MAP2K5: variants seen among roughly 807,000 people sequenced by gnomAD.
MAP2K5 encodes the protein dual specificity mitogen-activated protein kinase kinase 5.
Under a neutral mutation model 83.1 loss-of-function variants are expected in MAP2K5, and 49 were observed. The ratio of observed to expected loss-of-function variants is 0.59; its 90% CI spans 0.47 to 0.75. The LOEUF (loss-of-function observed/expected upper bound fraction) is 0.75, where lower values mean the gene tolerates loss of function less well. MAP2K5 is among the 30% of genes least tolerant of loss of function. The pLI is 0.00. For missense variants in MAP2K5, 457 were observed against 557.5 expected (o/e 0.82, Z 1.82); for synonymous variants, 202 against 191.8 (o/e 1.05, Z -0.44).
intron 7 of MAP2K5, among the ~76,000 whole-genome samples, chr15:67,600,363 A>G (rs1444127680): frequency 2.6e-5 from 4 of 152,154 alleles, no homozygotes; most frequent in African/African-American, 9.7e-5. Flanking sequence ...CATTGGTTAT[A>G]TGCAGTACTG....
chr15:67,707,629 G>T (rs1158247309), intron 16 of MAP2K5, among the ~76,000 whole-genome samples: 1 of 152,192 alleles, frequency 6.6e-6, no homozygotes, highest in African/African-American at 2.4e-5. Context: ...CCAAAGCCCA[G>T]AATGGTGTGA....
intron 13 of MAP2K5, among the ~76,000 whole-genome samples, chr15:67,685,554 G>A (rs1345423779): frequency 6.6e-6 from 1 of 152,024 alleles, no homozygotes; most frequent in Non-Finnish European, 1.5e-5. Flanking sequence ...ACTTCTAAAT[G>A]TCTTTAAAAT....
At chr15:67,635,141 G>T (rs181630809) in intron 9 of MAP2K5, among the ~76,000 whole-genome samples, 1 of 150,198 alleles carries the variant, frequency 6.7e-6, no homozygotes, top group African/African-American at 2.4e-5. Flanking sequence ...CATCATATGC[G>T]ATAAACCCCA....
Position 67,552,778 on chromosome 15 carries a change from GA to G in MAP2K5, c.184+2699del, listed in dbSNP as rs2084539148. Among the ~76,000 whole-genome samples the G allele has an allele frequency of 6.6e-6, 1 of 152,080 alleles. No individual in the cohort carries two copies. The highest frequency in any genetic ancestry group is 1.5e-5 in the Non-Finnish European group (1 of 68,014). On this transcript the variant is annotated intron_variant, in intron 2 of 21. Coordinates refer to ENST00000178640, the MANE Select transcript of MAP2K5 (RefSeq NM_145160.3). The surrounding 1 kb of genome is among the most constrained non-coding windows in gnomAD (Gnocchi z 4.2). ...TTATTAGCTCTGTTTTTTGGTTGAG[GA>G]AAGGAAATCTTTAAGCAACTTGCTG... is the stretch of plus-strand genomic sequence containing the variant.
chr15:67,658,479 G>T, intron 11 of MAP2K5, 74 bp from the exon 12 acceptor site: 1 of 1,158,860 alleles, frequency 8.6e-7, no homozygotes, highest in South Asian at 1.2e-5. Flanking sequence ...TTCTCACAGT[G>T]AACACACAGG....
chr15:67,798,123 G>T (rs2090636747), intron 21 of MAP2K5, among the ~76,000 whole-genome samples: 1 of 152,194 alleles, frequency 6.6e-6, no homozygotes, highest in Admixed American at 6.5e-5. Flanking sequence ...CTAGACACTT[G>T]TCACTGGCCC....
chr15:67,700,110 A>G (rs2088378258), intron 15 of MAP2K5, among the ~76,000 whole-genome samples: 1 of 152,200 alleles, frequency 6.6e-6, no homozygotes, highest in Non-Finnish European at 1.5e-5. Context: ...GAGATAAGGG[A>G]TATACCTTGG....
At chr15:67,804,890 A>G (rs1422557354) in intron 21 of MAP2K5, among the ~76,000 whole-genome samples, 1 of 152,120 alleles carries the variant, frequency 6.6e-6, no homozygotes, top group Non-Finnish European at 1.5e-5. Flanking sequence ...GTGGGCATAT[A>G]TATGGGGAGG....
chr15:67,804,068 C>G (rs572224504), intron 21 of MAP2K5, among the ~76,000 whole-genome samples: 2 of 152,268 alleles, frequency 1.3e-5, no homozygotes, highest in East Asian at 3.9e-4. Flanking sequence ...ATCCTGTGAC[C>G]GTGTGGACCC....
chr15:67,543,576 T>A lies in MAP2K5; in HGVS notation c.135+106T>A. 1.5e-6 allele frequency: 2 copies of A among 1,312,916 alleles called. No homozygotes were observed. Among genetic ancestry groups the A allele is most frequent in the Non-Finnish European group, 1.1e-6 (1 of 934,586 alleles). 81.3% of individuals were successfully genotyped at this position (1,312,916 alleles called of 1,614,324 possible). A position where few individuals can be genotyped will look rare whatever the true frequency, so the allele number is the denominator to read the frequency against. ...CTGAGCCAGTGGCAATGGCTACTGC[T>A]GGCTTCCTGTGGAGGCAGTTTTATT... is the stretch of plus-strand genomic sequence containing the variant. On this transcript the variant is annotated intron_variant, in intron 1 of 21. Coordinates refer to ENST00000178640, the MANE Select transcript of MAP2K5 (RefSeq NM_145160.3). This position sits in a 1 kb window ranked among gnomAD's most constrained non-coding sequence, Gnocchi z 4.3.
intron 6 of MAP2K5, among the ~76,000 whole-genome samples, chr15:67,590,604 C>T (rs758845395): frequency 3.9e-5 from 6 of 152,036 alleles, no homozygotes; most frequent in Admixed American, 2.6e-4. Context: ...AGGCACATGC[C>T]GCCATGCCTG....
At chr15:67,713,405 C>A (rs1352227908) in intron 16 of MAP2K5, among the ~76,000 whole-genome samples, 2 of 152,154 alleles carry the variant, frequency 1.3e-5, no homozygotes, top group East Asian at 3.8e-4. Flanking sequence ...AACACATAAA[C>A]CATGTAGAGC....
At chr15:67,699,582 A>G (rs943345238) in intron 15 of MAP2K5, among the ~76,000 whole-genome samples, 3 of 152,186 alleles carry the variant, frequency 2.0e-5, no homozygotes, top group Non-Finnish European at 2.9e-5. Context: ...AAGGCACATC[A>G]TGCTGAGAAG....
In MAP2K5 at chr15:67,802,883, G is replaced by A. The variant is rs1023891507; in HGVS notation, c.1243-3763G>A. On this transcript the variant is annotated intron_variant, in intron 21 of 21. Coordinates refer to ENST00000178640, the MANE Select transcript of MAP2K5 (RefSeq NM_145160.3). This position sits in a 1 kb window ranked among gnomAD's most constrained non-coding sequence, Gnocchi z 5.0. ...GATGTACATTTCACCCAAGCCCAGG[G>A]GAGGGACCAGCCGCAGGGGCTGGAG... 6.6e-6 allele frequency among the ~76,000 whole-genome samples: 1 copy of A among 152,238 alleles called. No homozygotes were observed. The highest frequency in any genetic ancestry group is 6.5e-5 in the Admixed American group (1 of 15,292).
chr15:67,563,441 TCA>T lies in MAP2K5; in HGVS notation c.252+94_252+95del. ...GGCATAGTGAAGACGAGTAAATAAA[TCA>T]CAGTTGTCATACATTTTTCTATATA... On this transcript the variant is annotated intron_variant, in intron 3 of 21. Transcript: ENST00000178640. This position sits in a 1 kb window ranked among gnomAD's most constrained non-coding sequence, Gnocchi z 4.5. 6.9e-7 allele frequency: 1 copy of T among 1,450,720 alleles called. No homozygotes were observed. The highest frequency in any genetic ancestry group is 9.2e-7 in the Non-Finnish European group (1 of 1,087,326). The allele number at this position is 1,450,720 out of a possible 1,614,324, so 89.9% of individuals were successfully genotyped here.
chr15:67,703,325 G>C lies in MAP2K5; in HGVS notation c.973-12G>C. The C allele has an allele frequency of 6.2e-7, 1 of 1,609,714 alleles. No individual in the cohort carries two copies. Among genetic ancestry groups the C allele is most frequent in the Non-Finnish European group, 8.5e-7 (1 of 1,176,356 alleles). On this transcript the variant is annotated splice_polypyrimidine_tract_variant and intron_variant, in intron 15 of 21. Transcript: ENST00000178640. ...TCCGTCCACTCACAGGCTCCCTTCTGATTTCTTGCAGCCTGAAAGGATTTC... is the reference window on the plus strand; with the variant it reads ...TCCGTCCACTCACAGGCTCCCTTCTCATTTCTTGCAGCCTGAAAGGATTTC...
intron 15 of MAP2K5, among the ~76,000 whole-genome samples, chr15:67,696,483 C>G (rs1324309416): frequency 6.6e-6 from 1 of 152,172 alleles, no homozygotes; most frequent in Non-Finnish European, 1.5e-5. Flanking sequence ...AGCCCCTGAT[C>G]TATGCCAGTG....
At chr15:67,673,120 G>A (rs1306486751) in intron 13 of MAP2K5, among the ~76,000 whole-genome samples, 5 of 152,068 alleles carry the variant, frequency 3.3e-5, no homozygotes, top group Admixed American at 2.0e-4. Flanking sequence ...TGTTCTTTTG[G>A]CTTAGGATTG....
intron 9 of MAP2K5, among the ~76,000 whole-genome samples, chr15:67,632,318 A>G (rs1020635006): frequency 2.6e-5 from 4 of 152,094 alleles, no homozygotes; most frequent in East Asian, 1.9e-4. Flanking sequence ...CAAGCTGGTC[A>G]TGAACTCCTG....
Sources: allele counts gnomAD v4.1 joint callset (sites outside exome capture counted in the v4.1 genomes callset), GRCh38; gene constraint gnomAD v4.1.1; non-coding constraint Gnocchi (gnomAD v3.1); transcripts MANE v1.5; gene names NCBI Gene and HGNC (gene_info 2026-07-23, HGNC 2026-07-21).